CYP4F11: variants seen among roughly 807,000 people sequenced by gnomAD.
CYP4F11 encodes the protein cytochrome P450 family 4 subfamily F member 11.
Under a neutral mutation model 62.2 loss-of-function variants are expected in CYP4F11, and 79 were observed. The observed-to-expected ratio is 1.27, with a 90% CI of 1.06 to 1.53. The LOEUF (loss-of-function observed/expected upper bound fraction) is 1.53, where lower values mean the gene tolerates loss of function less well. CYP4F11 is among the 40% of genes most tolerant of loss of function. The pLI is 0.00. For synonymous variants in CYP4F11, 290 were observed against 263.7 expected (o/e 1.10, Z -0.97); for missense variants, 777 against 680.5 (o/e 1.14, Z -1.58).
At chr19:15,914,499 C>T in intron 10 of CYP4F11, 103 bp downstream of exon 10, 2 of 1,555,936 alleles carry the variant, frequency 1.3e-6, no homozygotes, top group Non-Finnish European at 1.8e-6. Flanking sequence ...GATGTGTCTC[C>T]ATTGAGGAGA....
At position 15,923,990 on chromosome 19, in the gene CYP4F11, T is replaced by C. The variant is rs753424184; in HGVS notation, c.740A>G (p.Tyr247Cys). 7.4e-6 allele frequency: 12 copies of C among 1,614,168 alleles called. No individual in the cohort carries two copies. The highest frequency in any genetic ancestry group is 1.0e-5 in the Non-Finnish European group (12 of 1,180,028). Residue 247 changes from tyrosine to cysteine, a missense_variant, in exon 6 of 12, where the codon TAT becomes TGT. Physicochemically the swap from Tyr to Cys is radical, Grantham distance 194. Coordinates refer to ENST00000402119, the MANE Select transcript of CYP4F11 (RefSeq NM_021187.4). ...GCGCTGCCCATCAGGAGTGAGATAA[T>C]ACAGGAAGTCCGTGTGCAAGAGAAT... ...QQILLHTDFL[Y>C]YLTPDGQRFR...
Position 15,924,039 on chromosome 19 carries a change from A to G in CYP4F11, c.691T>C (p.Phe231Leu), listed in dbSNP as rs765246303. The G allele has an allele frequency of 4.3e-6, 7 of 1,614,184 alleles. No individual in the cohort carries two copies. Among genetic ancestry groups the G allele is most frequent in the Non-Finnish European group, 5.9e-6 (7 of 1,180,028 alleles). ...ATCTGCTGGTTTCTCTTTTCTACAAAGGCACTGAGCTCCAAGATGGCGGCA... is the reference window on the plus strand; with the variant it reads ...ATCTGCTGGTTTCTCTTTTCTACAAGGGCACTGAGCTCCAAGATGGCGGCA... ...YIAAILELSA[F>L]VEKRNQQILL... Residue 231 changes from phenylalanine (F) to leucine (L), a missense_variant, in exon 6 of 12, where the codon TTT (phenylalanine) becomes CTT (leucine). Phe to Leu is a conservative substitution (Grantham distance 22). Transcript: ENST00000402119.
chr19:15,927,641 G>A, intron 2 of CYP4F11, 158 bp from the exon 3 acceptor site: 1 of 956,134 alleles, frequency 1.0e-6, no homozygotes, highest in South Asian at 1.6e-5. Flanking sequence ...GGATGGTGGA[G>A]GAAGGAGAGA....
intron 8 of CYP4F11, among the ~76,000 whole-genome samples, chr19:15,917,100 G>A (rs111243789): frequency 6.6e-6 from 1 of 152,130 alleles, no homozygotes; most frequent in Non-Finnish European, 1.5e-5. Flanking sequence ...CCATTAAAAG[G>A]AATGAAATAA....
In CYP4F11 at chr19:15,934,210, C is replaced by T. The variant is rs199572323; in HGVS notation, c.198+1G>A. The T allele has an allele frequency of 4.3e-6, 7 of 1,613,342 alleles. No individual in the cohort carries two copies. Among genetic ancestry groups the T allele is most frequent in the Non-Finnish European group, 5.9e-6 (7 of 1,179,562 alleles). ...CAGACCCGTCCTGCTGACAAACTCA[C>T]CAGGCCCTGGTGTCCCCAAAACCAG... On this transcript the variant is annotated splice_donor_variant, in intron 1 of 11. Transcript: ENST00000402119. LOFTEE classifies it high-confidence loss of function.
At chr19:15,924,379 C>G (rs908584652) in intron 5 of CYP4F11, among the ~76,000 whole-genome samples, 1 of 152,206 alleles carries the variant, frequency 6.6e-6, no homozygotes, top group Admixed American at 6.5e-5. Flanking sequence ...TCTTCCAGCT[C>G]TTTCTGACCC....
At position 15,934,424 on chromosome 19, in the gene CYP4F11, G is replaced by T. The variant is rs775794364; in HGVS notation, c.-16C>A. On this transcript the variant is annotated 5_prime_UTR_variant, in exon 1 of 12. Coordinates refer to ENST00000402119, the MANE Select transcript of CYP4F11 (RefSeq NM_021187.4). ...GCTGCGGCATCCTGCAGGGCAGACG[G>T]GATGGAGGGTGGGATCCTGAGGCCC... 4.3e-6 allele frequency: 7 copies of T among 1,611,262 alleles called. No individual in the cohort carries two copies. In the South Asian group the frequency reaches 6.6e-5, roughly 15 times the overall value.
chr19:15,913,690 T>TG lies in CYP4F11; in HGVS notation c.*41dup. 1 of 1,612,160 alleles carries TG rather than the reference T, an allele frequency of 6.2e-7. No individual in the cohort carries two copies. Among genetic ancestry groups the TG allele is most frequent in the Non-Finnish European group, 8.5e-7 (1 of 1,178,696 alleles). Reference sequence around the variant, plus strand: ...TCAAGCAGAGGTGTCAGCATAGTTTTGTTTCTGGGACTCTACAGAGGTGGG... The same window carrying TG: ...TCAAGCAGAGGTGTCAGCATAGTTTTGGTTTCTGGGACTCTACAGAGGTGGG... On this transcript the variant is annotated 3_prime_UTR_variant, in exon 12 of 12. Coordinates refer to ENST00000402119, the MANE Select transcript of CYP4F11 (RefSeq NM_021187.4).
Position 15,913,632 on chromosome 19 carries a change from C to A in CYP4F11, c.*100G>T. The A allele has an allele frequency of 3.4e-6, 5 of 1,467,456 alleles. No homozygotes were observed. In the South Asian group the frequency reaches 6.0e-5, roughly 18 times the overall value. 90.9% of individuals were successfully genotyped at this position (1,467,456 alleles called of 1,614,324 possible). A position where few individuals can be genotyped will look rare whatever the true frequency, so the allele number is the denominator to read the frequency against. On this transcript the variant is annotated 3_prime_UTR_variant, in exon 12 of 12. Coordinates refer to ENST00000402119, the MANE Select transcript of CYP4F11 (RefSeq NM_021187.4). ...CCTCCCTTTCTTAGATCCCACCAGT[C>A]CCCAGGAGCCCCATGCTGGCTGTCA... is the stretch of plus-strand genomic sequence containing the variant.
At chr19:15,926,150 T>G (rs1314787662) in intron 4 of CYP4F11, among the ~76,000 whole-genome samples, 1 of 99,704 alleles carries the variant, frequency 1.0e-5, no homozygotes, top group African/African-American at 3.7e-5. Flanking sequence ...AGTGACAGAG[T>G]GAGACTCCAG....
At chr19:15,915,046 A>G in intron 8 of CYP4F11, 151 bp from the exon 9 acceptor site, 1 of 1,341,906 alleles carries the variant, frequency 7.5e-7, no homozygotes, top group Non-Finnish European at 9.9e-7. Flanking sequence ...GAAAAAAATT[A>G]GAAAAGCAGA....
rs146897508 is a variant in CYP4F11, at chr19:15,913,899, C to G, written c.1408G>C (p.Gly470Arg). The change falls in exon 12 of 12, where the codon GGG (glycine) becomes CGG (arginine). Residue 470 changes from glycine (G) to arginine (R), a missense_variant. By Grantham distance (125) the Gly-to-Arg change is moderately radical. Transcript: ENST00000402119. ...PFSAGPRNCIGQAFAMAEMKV... is the reference protein window; with the variant it reads ...PFSAGPRNCIRQAFAMAEMKV... ...ATCTCAGCCATGGCGAACGCCTGCC[C>G]GATGCAGTTTCTGGGGGCAAAAGTG... 1.2e-6 allele frequency: 2 copies of G among 1,612,366 alleles called. No homozygotes were observed. The highest frequency in any genetic ancestry group is 1.7e-6 in the Non-Finnish European group (2 of 1,179,206).
chr19:15,930,056 GCTCT>G (rs10645958), intron 1 of CYP4F11, among the ~76,000 whole-genome samples: 59 of 149,822 alleles, frequency 3.9e-4, no homozygotes, highest in African/African-American at 1.2e-3. Context: ...TCTCTCTCAC[GCTCT>G]CTCTCTCTCT....
chr19:15,931,581 C>T (rs148799212), intron 1 of CYP4F11, among the ~76,000 whole-genome samples: 24,057 of 54,772 alleles, frequency 0.44, 4,489 homozygotes, highest in African/African-American at 0.56. Flanking sequence ...AATGAGTGAG[C>T]GAGGAGAGGA....
chr19:15,931,097 C>A (rs2089711958), intron 1 of CYP4F11, among the ~76,000 whole-genome samples: 1 of 149,174 alleles, frequency 6.7e-6, no homozygotes, highest in Non-Finnish European at 1.5e-5. Context: ...AAGGGAGTGG[C>A]CAACTTTTAT....
chr19:15,927,086 T>C, intron 4 of CYP4F11, 126 bp downstream of exon 4: 1 of 1,118,088 alleles, frequency 8.9e-7, no homozygotes, highest in African/African-American at 1.6e-5. Flanking sequence ...ATTTTACAGA[T>C]AGGGAAACCA....
chr19:15,925,755 C>CACAG (rs1415498236), intron 4 of CYP4F11, among the ~76,000 whole-genome samples: 14 of 151,162 alleles, frequency 9.3e-5, no homozygotes, highest in Admixed American at 3.3e-4. Flanking sequence ...CACACACACA[C>CACAG]ACACCCTGTA....
chr19:15,924,894 A>T lies in CYP4F11; in HGVS notation c.526-12T>A. 6.2e-7 allele frequency: 1 copy of T among 1,604,624 alleles called. No individual in the cohort carries two copies. Among genetic ancestry groups the T allele is most frequent in the Non-Finnish European group, 8.5e-7 (1 of 1,175,220 alleles). On this transcript the variant is annotated splice_polypyrimidine_tract_variant and intron_variant, in intron 4 of 11. Coordinates refer to ENST00000402119, the MANE Select transcript of CYP4F11 (RefSeq NM_021187.4). ...CGCTGCCACTTGTCCTGGCCAGAGA[A>T]AAAACAGAGCCAAAGCTGGGAACTG...
At chr19:15,916,770 C>A (rs986788828) in intron 8 of CYP4F11, among the ~76,000 whole-genome samples, 7 of 146,634 alleles carry the variant, frequency 4.8e-5, no homozygotes, top group Non-Finnish European at 7.6e-5. Flanking sequence ...AGTCAAAAAA[C>A]AATAGATTTT....
Sources: gnomAD v4.1 joint callset for allele counts (sites outside exome capture counted in the v4.1 genomes callset) on GRCh38, gnomAD v4.1.1 for gene constraint, MANE v1.5 for transcripts, NCBI Gene and HGNC (gene_info 2026-07-23, HGNC 2026-07-21) for gene names.